LIN28B: variants seen among roughly 807,000 people sequenced by gnomAD.
The protein encoded by LIN28B is protein lin-28 homolog B.
Under a neutral mutation model 21.9 loss-of-function variants are expected in LIN28B, and 5 were observed. The ratio of observed to expected loss-of-function variants is 0.23; its 90% CI spans 0.12 to 0.48. LIN28B has a LOEUF of 0.48. Among genes scored for constraint, LIN28B ranks in the 20% least tolerant of loss-of-function variants. LIN28B has a pLI of 0.98. For missense variants in LIN28B, 245 were observed against 310.5 expected (o/e 0.79, Z 1.58); for synonymous variants, 109 against 111.3 (o/e 0.98, Z 0.13).
At position 105,054,845 on chromosome 6, in the gene LIN28B, C is replaced by CTT. The variant is rs11392418; in HGVS notation, c.384-23552_384-23551dup. On this transcript the variant is annotated intron_variant, in intron 3 of 3. Transcript: ENST00000345080. ...TTACATTTTTCTTGAACCTGAACAACTTTTTTTTTTTTTTTTTTAGCATTG... is the reference window on the plus strand; with the variant it reads ...TTACATTTTTCTTGAACCTGAACAACTTTTTTTTTTTTTTTTTTTTAGCATTG... 2.8e-3 allele frequency among the ~76,000 whole-genome samples: 383 copies of CTT among 137,410 alleles called. 3 individuals carry two copies. The highest frequency in any genetic ancestry group is 8.7e-3 in the African/African-American group (332 of 37,960). 90.1% of individuals were successfully genotyped at this position (137,410 alleles called of 152,430 possible).
chr6:105,059,314 C>A (rs1230894143), intron 3 of LIN28B, among the ~76,000 whole-genome samples: 1 of 152,000 alleles, frequency 6.6e-6, no homozygotes, highest in Non-Finnish European at 1.5e-5. Context: ...GGTTCCTCCA[C>A]CTGAAAGTTA....
rs185776166 is a variant in LIN28B, at chr6:104,991,677, G to A, written c.198+33391G>A. Among the ~76,000 whole-genome samples, 1,121 of 152,264 alleles carry A rather than the reference G, an allele frequency of 7.4e-3. 6 individuals are homozygous for A. Among genetic ancestry groups the A allele is most frequent in the Non-Finnish European group, 0.011 (776 of 68,004 alleles). Reference sequence around the variant, plus strand: ...CAAGGCAGGCGGCTGGGAGGTGGAGGTTGTAGCGAGCCGAGATCACGCCAC... The same window carrying A: ...CAAGGCAGGCGGCTGGGAGGTGGAGATTGTAGCGAGCCGAGATCACGCCAC... On this transcript the variant is annotated intron_variant, in intron 2 of 3. Transcript: ENST00000345080.
In LIN28B at chr6:105,080,017, C is replaced by G. The variant is rs980381990; in HGVS notation, c.*1234C>G. The G allele has an allele frequency of 6.6e-5, 10 of 152,120 alleles. No homozygotes were observed. Among genetic ancestry groups the G allele is most frequent in the Non-Finnish European group, 1.0e-4 (7 of 68,022 alleles). 9.4% of individuals were successfully genotyped at this position (152,120 alleles called of 1,614,324 possible). On this transcript the variant is annotated 3_prime_UTR_variant, in exon 4 of 4. Coordinates refer to ENST00000345080, the MANE Select transcript of LIN28B (RefSeq NM_001004317.4). ...GTACCAAACCTCTCCCACCAGAGAG[C>G]TAGAAGTATTTTATACAGTAACTTT...
chr6:105,066,566 C>A (rs1772224447), intron 3 of LIN28B, among the ~76,000 whole-genome samples: 1 of 152,046 alleles, frequency 6.6e-6, no homozygotes, highest in South Asian at 2.1e-4. Flanking sequence ...GTTCTCTCTT[C>A]CTTCTGTGTT....
chr6:105,026,821 A>G (rs1010535246), intron 3 of LIN28B, among the ~76,000 whole-genome samples: 2 of 152,138 alleles, frequency 1.3e-5, no homozygotes, highest in African/African-American at 2.4e-5. Context: ...TTCAAATGAA[A>G]ATGTACCTAT....
intron 2 of LIN28B, among the ~76,000 whole-genome samples, chr6:104,966,237 G>C (rs964387204): frequency 6.6e-6 from 1 of 152,074 alleles, no homozygotes; most frequent in Non-Finnish European, 1.5e-5. Flanking sequence ...CCAGTTGGTT[G>C]GTTTATAACT....
intron 2 of LIN28B, among the ~76,000 whole-genome samples, chr6:105,011,226 A>G (rs1300248637): frequency 6.6e-6 from 1 of 152,044 alleles, no homozygotes; most frequent in Non-Finnish European, 1.5e-5. Flanking sequence ...GTCTGACTCT[A>G]TTGCCCAAGC....
chr6:104,997,811 T>G (rs1273176003), intron 2 of LIN28B, among the ~76,000 whole-genome samples: 2 of 152,214 alleles, frequency 1.3e-5, no homozygotes, highest in Non-Finnish European at 2.9e-5. Flanking sequence ...CGGGTTTATA[T>G]GCCTAGCATC....
At chr6:104,963,223 T>G (rs1769788861) in intron 2 of LIN28B, among the ~76,000 whole-genome samples, 1 of 152,108 alleles carries the variant, frequency 6.6e-6, no homozygotes, top group Non-Finnish European at 1.5e-5. Context: ...ATTTTTTGTA[T>G]TTTTAGTAGA....
At position 105,081,144 on chromosome 6, in the gene LIN28B, C is replaced by T. The variant is rs548580949; in HGVS notation, c.*2361C>T. ...CAAAGAACTTTGCTCAGGGAACATA[C>T]CATGTAATATTTTTGTTGTTTCTTT... On this transcript the variant is annotated 3_prime_UTR_variant, in exon 4 of 4. Coordinates refer to ENST00000345080, the MANE Select transcript of LIN28B (RefSeq NM_001004317.4). The T allele has an allele frequency of 3.3e-5, 5 of 152,674 alleles. No individual in the cohort carries two copies. Among genetic ancestry groups the T allele is most frequent in the African/African-American group, 1.2e-4 (5 of 41,550 alleles). The allele number at this position is 152,674 out of a possible 1,614,324, so 9.5% of individuals were successfully genotyped here.
intron 2 of LIN28B, among the ~76,000 whole-genome samples, chr6:104,995,003 T>C (rs571924561): frequency 6.6e-6 from 1 of 152,224 alleles, no homozygotes; most frequent in South Asian, 2.1e-4. Flanking sequence ...ACCAACTTAC[T>C]GTCCAAAGGA....
intron 2 of LIN28B, among the ~76,000 whole-genome samples, chr6:104,972,373 C>A (rs1003191572): frequency 6.6e-6 from 1 of 152,022 alleles, no homozygotes; most frequent in African/African-American, 2.4e-5. Context: ...AAATACATAA[C>A]AAAATTTGGT....
At chr6:104,969,585 TCATTG>T (rs1488703010) in intron 2 of LIN28B, among the ~76,000 whole-genome samples, 2 of 152,246 alleles carry the variant, frequency 1.3e-5, no homozygotes, top group Non-Finnish European at 2.9e-5. Context: ...TAGAAGTTTT[TCATTG>T]CATTGCAGCT....
chr6:105,067,222 A>G (rs1772235347), intron 3 of LIN28B, among the ~76,000 whole-genome samples: 1 of 152,188 alleles, frequency 6.6e-6, no homozygotes, highest in Non-Finnish European at 1.5e-5. Flanking sequence ...TCCTTTCATA[A>G]TTGATAGTAG....
chr6:105,012,648 C>T (rs1299072460), intron 2 of LIN28B, among the ~76,000 whole-genome samples: 2 of 152,122 alleles, frequency 1.3e-5, no homozygotes, highest in African/African-American at 4.8e-5. Flanking sequence ...TGATGTGTAT[C>T]CCAGTGATTC....
chr6:105,046,640 A>C (rs1003180309), intron 3 of LIN28B, among the ~76,000 whole-genome samples: 8 of 152,254 alleles, frequency 5.3e-5, no homozygotes, highest in Non-Finnish European at 7.4e-5. Context: ...CCAACAGTGT[A>C]AAAGTGTTCC....
intron 2 of LIN28B, among the ~76,000 whole-genome samples, chr6:104,969,425 C>T (rs906138221): frequency 2.6e-5 from 4 of 152,044 alleles, no homozygotes; most frequent in Admixed American, 2.0e-4. Context: ...CTGCTTTCTG[C>T]TCTGGGAAAC....
rs1279497974 is a variant in LIN28B, at chr6:104,946,071, A to T, written c.19-4390A>T. Among the ~76,000 whole-genome samples the T allele has an allele frequency of 2.6e-5, 4 of 152,068 alleles. No homozygotes were observed. The South Asian group carries it at 8.3e-4, about 31-fold the overall frequency. ...GATTTAAGGTTGAGTGTTTCATATG[A>T]TATATTCTAAATTAAATTATATACT... On this transcript the variant is annotated intron_variant, in intron 2 of 5. Coordinates refer to the LIN28B transcript ENST00000635857.
rs930038470 is a variant in LIN28B, at chr6:105,026,271, T to G, written c.199-27T>G. The G allele has an allele frequency of 6.0e-6, 8 of 1,338,306 alleles. No homozygotes were observed. The African/African-American group carries it at 8.8e-5, about 15-fold the overall frequency. 82.9% of individuals were successfully genotyped at this position (1,338,306 alleles called of 1,614,324 possible). A position where few individuals can be genotyped will look rare whatever the true frequency, so the allele number is the denominator to read the frequency against. ...ATGATAATTTTAATCTCTCTTTTTC[T>G]CCCCCACCCTCTTCTGCTCTTTACA... On this transcript the variant is annotated intron_variant, in intron 2 of 3. Transcript: ENST00000345080.
Sources: allele counts gnomAD v4.1 joint callset (sites outside exome capture counted in the v4.1 genomes callset), GRCh38; gene constraint gnomAD v4.1.1; transcripts MANE v1.5; gene names NCBI Gene and HGNC (gene_info 2026-07-23, HGNC 2026-07-21).